The following ALDH1A1 variants were observed in gnomAD, a reference collection of about 807,000 sequenced individuals.
ALDH1A1 encodes the protein aldehyde dehydrogenase 1A1.
ALDH1A1 carries 19 observed loss-of-function variants against 62.1 expected under a neutral mutation model. The ratio of observed to expected loss-of-function variants is 0.31; its 90% confidence interval spans 0.21 to 0.45. The LOEUF (loss-of-function observed/expected upper bound fraction) is 0.45, where lower values mean the gene tolerates loss of function less well. Among genes scored for constraint, ALDH1A1 ranks in the 20% least tolerant of loss-of-function variants. The pLI, the probability that ALDH1A1 is intolerant of heterozygous loss-of-function variation, is 1.00. For missense variants in ALDH1A1, 521 were observed against 607.1 expected (o/e 0.86, Z 1.49); for synonymous variants, 231 against 215.9 (o/e 1.07, Z -0.61).
Position 72,912,109 on chromosome 9 carries a change from T to C in ALDH1A1, c.1049A>G (p.Gln350Arg). ...AATGAGGTCAAGTATTTTATCATAT[T>C]GTTCCTTGTCAATCTATTTGAAAAA... ...VTQGPQIDKE[Q>R]YDKILDLIES... Residue 350 changes from glutamine to arginine, a missense_variant, in exon 10 of 13, where the codon CAA becomes CGA. By Grantham distance (43) the Gln-to-Arg change is conservative (BLOSUM62 1). Coordinates refer to ENST00000297785, the MANE Select transcript of ALDH1A1 (RefSeq NM_000689.5). 6.2e-7 allele frequency: 1 copy of C among 1,612,660 alleles called. No individual in the cohort carries two copies. Among genetic ancestry groups the C allele is most frequent in the Non-Finnish European group, 8.5e-7 (1 of 1,179,316 alleles).
chr9:72,912,142 T>C lies in ALDH1A1; in HGVS notation c.1036-20A>G, dbSNP rs753639622. ...GTCAATCTATTTGAAAAATATCACA[T>C]GAAAAGAAAAAAAGTAGTCACTTGT... is the stretch of plus-strand genomic sequence containing the variant. On this transcript the variant is annotated intron_variant, in intron 9 of 12. Coordinates refer to ENST00000297785, the MANE Select transcript of ALDH1A1 (RefSeq NM_000689.5). 2.5e-6 allele frequency: 4 copies of C among 1,595,878 alleles called. No individual in the cohort carries two copies. The highest frequency in any genetic ancestry group is 1.4e-5 in the African/African-American group (1 of 73,710).
At chr9:72,925,061 A>G (rs1317712716) in intron 6 of ALDH1A1, among the ~76,000 whole-genome samples, 1 of 152,244 alleles carries the variant, frequency 6.6e-6, no homozygotes, top group African/African-American at 2.4e-5. Flanking sequence ...AATATTACAA[A>G]CAAGCATATT....
At chr9:72,942,771 C>G (rs2118572379) in intron 1 of ALDH1A1, among the ~76,000 whole-genome samples, 1 of 152,258 alleles carries the variant, frequency 6.6e-6, no homozygotes, top group South Asian at 2.1e-4. Flanking sequence ...GTTCTTTAGA[C>G]TAGAGTTCCA....
intron 1 of ALDH1A1, among the ~76,000 whole-genome samples, chr9:72,941,723 C>T (rs1468146407): frequency 6.6e-6 from 1 of 152,188 alleles, no homozygotes; most frequent in African/African-American, 2.4e-5. Context: ...CTCTATGACA[C>T]TTGTGATTTC....
chr9:72,906,124 C>A (rs1335552650), intron 11 of ALDH1A1, 92 bp from the exon 12 acceptor site: 1 of 856,818 alleles, frequency 1.2e-6, no homozygotes, highest in Non-Finnish European at 1.8e-6. Flanking sequence ...AAGCTCCTTA[C>A]AAACTCCATT....
In ALDH1A1 at chr9:72,908,464, G is replaced by GAAA. The variant is rs1564622151; in HGVS notation, c.1358+1135_1358+1137dup. On this transcript the variant is annotated intron_variant, in intron 11 of 12. Transcript: ENST00000297785. ...AAAAAAAAAAAAAAAAAAAAAAGAA[G>GAAA]AAAGAAAAGAAAAGAGAGAAAGAGA... 3.2e-5 allele frequency among the ~76,000 whole-genome samples: 2 copies of GAAA among 62,498 alleles called. 1 individual carries two copies. Among genetic ancestry groups the GAAA allele is most frequent in the Non-Finnish European group, 6.9e-5 (2 of 28,858 alleles). 41.0% of individuals were successfully genotyped at this position (62,498 alleles called of 152,430 possible).
intron 1 of ALDH1A1, chr9:72,942,181 A>G: frequency 5.4e-6 from 3 of 557,270 alleles, no homozygotes; most frequent in Non-Finnish European, 6.8e-6. Context: ...CACTCTAGCT[A>G]TCAGAAATAC....
At chr9:72,922,665 C>T (rs1830158734) in intron 7 of ALDH1A1, among the ~76,000 whole-genome samples, 1 of 152,192 alleles carries the variant, frequency 6.6e-6, no homozygotes, top group Non-Finnish European at 1.5e-5. Context: ...TTGGACAGAC[C>T]TCAACAGGCA....
At position 72,912,037 on chromosome 9, in the gene ALDH1A1, G is replaced by A. The variant is rs1399235957; in HGVS notation, c.1121C>T (p.Pro374Leu). Residue 374 changes from proline (P) to leucine (L), a missense_variant, in exon 10 of 13, where the codon CCG becomes CTG. Coordinates refer to ENST00000297785, the MANE Select transcript of ALDH1A1 (RefSeq NM_000689.5). ...EGAKLECGGG[P>L]WGNKGYFVQP... ...GACAAAGTAGCCTTTATTCCCCCAC[G>A]GGCCTCCTCCACATTCCAGTTTGGC... 12 of 1,613,714 alleles carry A rather than the reference G, an allele frequency of 7.4e-6. No individual in the cohort carries two copies. In the South Asian group the frequency reaches 7.7e-5, roughly 10 times the overall value.
At chr9:72,930,539 A>C (rs920231180) in intron 3 of ALDH1A1, among the ~76,000 whole-genome samples, 2 of 152,132 alleles carry the variant, frequency 1.3e-5, no homozygotes, top group Non-Finnish European at 2.9e-5. Context: ...AATAAACCTA[A>C]TATATCATTC....
intron 2 of ALDH1A1, among the ~76,000 whole-genome samples, chr9:72,937,607 C>T (rs910225806): frequency 1.2e-4 from 18 of 152,166 alleles, no homozygotes; most frequent in African/African-American, 4.1e-4. Flanking sequence ...TAGATGGTGA[C>T]TTGAACTAGG....
At chr9:72,940,023 T>C (rs913465636) in intron 2 of ALDH1A1, 125 bp downstream of exon 2, 12 of 616,574 alleles carry the variant, frequency 1.9e-5, no homozygotes, top group Admixed American at 8.8e-5. Context: ...ACAATTTTCC[T>C]AAGCTGCCCC....
intron 10 of ALDH1A1, among the ~76,000 whole-genome samples, chr9:72,910,804 GT>G (rs1829973462): frequency 6.6e-6 from 1 of 152,134 alleles, no homozygotes; most frequent in African/African-American, 2.4e-5. Context: ...TAGAGGTTGA[GT>G]GTGAATCTTA....
intron 1 of ALDH1A1, among the ~76,000 whole-genome samples, chr9:72,942,730 C>T (rs1830430316): frequency 6.6e-6 from 1 of 152,118 alleles, no homozygotes; most frequent in South Asian, 2.1e-4. Context: ...AAACACCATG[C>T]TGTTTTTTGC....
At chr9:72,944,065 T>A (rs1483356654) in intron 1 of ALDH1A1, among the ~76,000 whole-genome samples, 1 of 152,120 alleles carries the variant, frequency 6.6e-6, no homozygotes, top group South Asian at 2.1e-4. Flanking sequence ...AGGCCTGACA[T>A]TGAAAATAAA....
At chr9:72,901,337 C>T (rs1829801105) in intron 12 of ALDH1A1, 57 bp from the exon 13 acceptor site, 1 of 1,207,914 alleles carries the variant, frequency 8.3e-7, no homozygotes, top group South Asian at 1.3e-5. Context: ...TATAAATATA[C>T]TGTAGTTCAT....
At position 72,908,510 on chromosome 9, in the gene ALDH1A1, A is replaced by C. The variant is rs1301098534; in HGVS notation, c.1358+1092T>G. Among the ~76,000 whole-genome samples, 18 of 11,016 alleles carry C rather than the reference A, an allele frequency of 1.6e-3. 4 individuals carry two copies. In the East Asian group the frequency reaches 0.045, roughly 27 times the overall value. 7.2% of individuals were successfully genotyped at this position (11,016 alleles called of 152,430 possible). A position where few individuals can be genotyped will look rare whatever the true frequency, so the allele number is the denominator to read the frequency against. Reference sequence around the variant, plus strand: ...AGAGAAAGAGAGAGAGAGAGACGAAAGAAAGAAAGAAAGAAAGAAAGAAAG... The same window carrying C: ...AGAGAAAGAGAGAGAGAGAGACGAACGAAAGAAAGAAAGAAAGAAAGAAAG... On this transcript the variant is annotated intron_variant, in intron 11 of 12. Coordinates refer to ENST00000297785, the MANE Select transcript of ALDH1A1 (RefSeq NM_000689.5).
At chr9:72,922,318 T>C (rs1830154931) in intron 7 of ALDH1A1, among the ~76,000 whole-genome samples, 1 of 152,058 alleles carries the variant, frequency 6.6e-6, no homozygotes, top group Non-Finnish European at 1.5e-5. Flanking sequence ...AGGGGTAGAG[T>C]CAGAATTTAA....
intron 6 of ALDH1A1, 29 bp from the exon 7 acceptor site, chr9:72,924,161 G>A (rs3739962): frequency 0.49 from 738,730 of 1,498,576 alleles, 185,854 homozygotes; most frequent in Non-Finnish European, 0.51. Flanking sequence ...AAAAGTTACA[G>A]TATAAGAATT....
Sources: allele counts gnomAD v4.1 joint callset (sites outside exome capture counted in the v4.1 genomes callset), GRCh38; gene constraint gnomAD v4.1.1; transcripts MANE v1.5; gene names NCBI Gene and HGNC (gene_info 2026-07-23, HGNC 2026-07-21).